CPNE4: variants seen among roughly 807,000 people sequenced by gnomAD.
CPNE4 encodes the protein copine-4.
CPNE4 carries 25 observed loss-of-function variants against 67.9 expected under a neutral mutation model. The ratio of observed to expected loss-of-function variants is 0.37; its 90% CI spans 0.27 to 0.51. The LOEUF (loss-of-function observed/expected upper bound fraction) is 0.51, where lower values mean the gene tolerates loss of function less well. CPNE4 is among the 20% of genes least tolerant of loss of function. The pLI, the probability that CPNE4 is intolerant of heterozygous loss-of-function variation, is 0.93. For missense variants in CPNE4, 464 were observed against 690.8 expected (o/e 0.67, Z 3.68); for synonymous variants, 242 against 244.9 (o/e 0.99, Z 0.11).
At chr3:131,866,376 GGTTGAAAAATGACA>G (rs1216481261) in intron 2 of CPNE4, among the ~76,000 whole-genome samples, 1 of 152,144 alleles carries the variant, frequency 6.6e-6, no homozygotes, top group East Asian at 1.9e-4. Context: ...CCTTTTTCAT[GGTTGAAAAATGACA>G]GTGGCAGCTT....
intron 2 of CPNE4, among the ~76,000 whole-genome samples, chr3:131,878,054 C>A (rs1252402805): frequency 6.6e-6 from 1 of 152,150 alleles, no homozygotes; most frequent in Non-Finnish European, 1.5e-5. Context: ...TGGTACAAAC[C>A]TTGTAGAAAA....
chr3:131,815,720 G>A (rs2084711692), intron 2 of CPNE4, among the ~76,000 whole-genome samples: 1 of 152,064 alleles, frequency 6.6e-6, no homozygotes, highest in Non-Finnish European at 1.5e-5. Flanking sequence ...ATATCCTAAA[G>A]AACTATCTGA....
chr3:131,969,512 G>A (rs1467502130), intron 1 of CPNE4, among the ~76,000 whole-genome samples: 2 of 152,064 alleles, frequency 1.3e-5, no homozygotes, highest in East Asian at 3.9e-4. Context: ...AAGGATATTT[G>A]TCTCTTAATT....
At chr3:131,738,891 G>T (rs1288337265) in intron 2 of CPNE4, among the ~76,000 whole-genome samples, 1 of 136,694 alleles carries the variant, frequency 7.3e-6, no homozygotes, top group Non-Finnish European at 1.5e-5. Flanking sequence ...TTTTGCTCTC[G>T]TCGCCCAGGC....
chr3:131,760,245 G>A (rs538149551), intron 2 of CPNE4, among the ~76,000 whole-genome samples: 315 of 152,252 alleles, frequency 2.1e-3, no homozygotes, highest in African/African-American at 7.2e-3. Context: ...AATTATGAGA[G>A]GAAAGAAGAC....
intron 1 of CPNE4, among the ~76,000 whole-genome samples, chr3:131,970,916 C>T (rs1381082): frequency 0.045 from 6,896 of 152,232 alleles, 173 homozygotes; most frequent in East Asian, 0.092. Flanking sequence ...TGCCCCAAAA[C>T]GTAGTGGGTT....
chr3:131,822,151 C>A (rs1560397871), intron 2 of CPNE4, among the ~76,000 whole-genome samples: 1 of 152,158 alleles, frequency 6.6e-6, no homozygotes, highest in Non-Finnish European at 1.5e-5. Context: ...CAAGGGCCAA[C>A]TGTGTACAAT....
At chr3:131,828,658 C>G (rs1583282030) in intron 2 of CPNE4, among the ~76,000 whole-genome samples, 1 of 152,248 alleles carries the variant, frequency 6.6e-6, no homozygotes, top group Non-Finnish European at 1.5e-5. Context: ...AGAAGGGGAA[C>G]TGTTGAGTTC....
In CPNE4 at chr3:131,677,565, G is replaced by T. The variant is rs563094436; in HGVS notation, c.592-7801C>A. On this transcript the variant is annotated intron_variant, in intron 6 of 15. Coordinates refer to ENST00000429747, the MANE Select transcript of CPNE4 (RefSeq NM_130808.3). ...TCTTCCAGGGTTTTTATAGTTTTGG[G>T]TTTTACATTTGAGTCTTTAATCCAT... is the stretch of plus-strand genomic sequence containing the variant. Among the ~76,000 whole-genome samples, 8 of 152,182 alleles carry T rather than the reference G, an allele frequency of 5.3e-5. No homozygotes were observed. The East Asian group carries it at 1.5e-3, about 29-fold the overall frequency.
intron 7 of CPNE4, among the ~76,000 whole-genome samples, chr3:131,654,570 C>G (rs1180194061): frequency 1.3e-5 from 2 of 152,168 alleles, no homozygotes; most frequent in African/African-American, 2.4e-5. Context: ...ACCCAAACAT[C>G]TCCCAGGAGA....
chr3:131,801,452 G>GTATATATATATATA (rs71136416), intron 2 of CPNE4, among the ~76,000 whole-genome samples: 772 of 53,246 alleles, frequency 0.014, 18 homozygotes, highest in Middle Eastern at 0.027. Flanking sequence ...GTGTGTGTGT[G>GTATATATATATATA]TATATATATA....
intron 7 of CPNE4, among the ~76,000 whole-genome samples, chr3:131,607,852 T>C (rs1939594405): frequency 6.6e-6 from 1 of 152,170 alleles, no homozygotes; most frequent in Non-Finnish European, 1.5e-5. Context: ...TGCCTATTAC[T>C]AGGAGGAGGT....
chr3:131,630,021 T>C (rs1212070462), intron 7 of CPNE4, among the ~76,000 whole-genome samples: 1 of 152,164 alleles, frequency 6.6e-6, no homozygotes, highest in East Asian at 1.9e-4. Context: ...ATAAAATTGC[T>C]ATATGATGAG....
At chr3:131,945,994 C>T (rs1181070286) in intron 1 of CPNE4, among the ~76,000 whole-genome samples, 1 of 152,134 alleles carries the variant, frequency 6.6e-6, no homozygotes, top group African/African-American at 2.4e-5. Flanking sequence ...TGGTAGCTAG[C>T]CATAATTTTT....
chr3:131,649,293 T>C (rs140382595), intron 7 of CPNE4, among the ~76,000 whole-genome samples: 1 of 152,184 alleles, frequency 6.6e-6, no homozygotes, highest in Non-Finnish European at 1.5e-5. Flanking sequence ...CGTGTGTAAG[T>C]AACAATGGAA....
At chr3:131,620,375 G>A in intron 7 of CPNE4, 1 of 750,762 alleles carries the variant, frequency 1.3e-6, no homozygotes, top group Non-Finnish European at 1.6e-6. Context: ...GACAAACTAG[G>A]CTACGGTAAA....
chr3:131,966,907 T>A (rs2072367037), intron 1 of CPNE4, among the ~76,000 whole-genome samples: 1 of 152,128 alleles, frequency 6.6e-6, no homozygotes, highest in Non-Finnish European at 1.5e-5. Context: ...TACCAAAATC[T>A]GGCAGAGACA....
intron 1 of CPNE4, among the ~76,000 whole-genome samples, chr3:131,978,524 A>AT (rs1560724714): frequency 1.2e-5 from 1 of 80,324 alleles, no homozygotes; most frequent in African/African-American, 6.1e-5. Context: ...TTATTTATAT[A>AT]AATATAAATA....
intron 2 of CPNE4, among the ~76,000 whole-genome samples, chr3:131,790,806 C>T (rs982695715): frequency 1.3e-5 from 2 of 152,116 alleles, no homozygotes; most frequent in Non-Finnish European, 2.9e-5. Flanking sequence ...TACAAATTTG[C>T]CTTCTTTAAC....
Sources: gnomAD v4.1 joint callset for allele counts (sites outside exome capture counted in the v4.1 genomes callset) on GRCh38, gnomAD v4.1.1 for gene constraint, MANE v1.5 for transcripts, NCBI Gene and HGNC (gene_info 2026-07-23, HGNC 2026-07-21) for gene names.